TIAM2: variants seen among roughly 807,000 people sequenced by gnomAD.
TIAM2 encodes rho guanine nucleotide exchange factor TIAM2.
TIAM2 carries 80 observed loss-of-function variants against 152.9 expected under a neutral mutation model. The ratio of observed to expected loss-of-function variants is 0.52; its 90% confidence interval spans 0.44 to 0.63. The LOEUF (loss-of-function observed/expected upper bound fraction) is 0.63, where lower values mean the gene tolerates loss of function less well. Ranked by LOEUF, TIAM2 falls within the 30% of genes least tolerant of loss-of-function variation. TIAM2 has a pLI of 0.00. For missense variants in TIAM2, 1,965 were observed against 2,120.1 expected (o/e 0.93, Z 1.44); for synonymous variants, 804 against 838.0 (o/e 0.96, Z 0.70).
intron 9 of TIAM2, among the ~76,000 whole-genome samples, chr6:155,175,603 G>C (rs1243979022): frequency 2.0e-5 from 3 of 152,120 alleles, no homozygotes; most frequent in Non-Finnish European, 4.4e-5. Context: ...TGAATCGTAC[G>C]TAGCAAGGTA....
At chr6:155,013,234 A>G (rs1479946810) in intron 1 of TIAM2, among the ~76,000 whole-genome samples, 2 of 152,100 alleles carry the variant, frequency 1.3e-5, no homozygotes, top group African/African-American at 4.8e-5. Flanking sequence ...GTGCTCCTGC[A>G]GGTGTGTGTG....
intron 4 of TIAM2, among the ~76,000 whole-genome samples, chr6:155,131,359 AAAGT>A (rs1261145600): frequency 1.3e-5 from 2 of 152,128 alleles, no homozygotes; most frequent in South Asian, 2.1e-4. Context: ...AAAAAAAAAA[AAAGT>A]AAGTACAGAG....
In TIAM2 at chr6:155,036,998, C is replaced by T. The variant is rs564063177; in HGVS notation, c.-209+41506C>T. 1.2e-3 allele frequency among the ~76,000 whole-genome samples: 185 copies of T among 152,250 alleles called. 1 individual carries two copies. Among genetic ancestry groups the T allele is most frequent in the African/African-American group, 4.0e-3 (168 of 41,536 alleles). The stretch of plus-strand genomic sequence containing the variant: ...GGAATTTCGCCTTTGTCCTTAGGCA[C>T]GGCTCTCTATAACTTTTTCAGTTTC... On this transcript the variant is annotated intron_variant, in intron 1 of 26. Transcript: ENST00000682666.
intron 1 of TIAM2, among the ~76,000 whole-genome samples, chr6:155,078,683 C>T (rs890353957): frequency 2.6e-5 from 4 of 152,322 alleles, no homozygotes; most frequent in South Asian, 4.1e-4. Context: ...CTCTCATGCT[C>T]GGTGATCCTA....
chr6:155,160,018 T>C (rs534480969), intron 7 of TIAM2, among the ~76,000 whole-genome samples: 18 of 152,264 alleles, frequency 1.2e-4, no homozygotes, highest in African/African-American at 4.3e-4. Context: ...TGTATGTGTT[T>C]GTGTAGGGAG....
rs1263307056 is a variant in TIAM2, at chr6:155,156,843, C to T, written c.2029-7572C>T. Among the ~76,000 whole-genome samples, 1 of 152,158 alleles carries T rather than the reference C, an allele frequency of 6.6e-6. No individual in the cohort carries two copies. Among genetic ancestry groups the T allele is most frequent in the East Asian group, 1.9e-4 (1 of 5,188 alleles). On this transcript the variant is annotated intron_variant, in intron 7 of 26. Transcript: ENST00000682666. This position sits in a 1 kb window ranked among gnomAD's most constrained non-coding sequence, Gnocchi z 4.4. ...GACTCCTGTGCTGTGCACAAATGTG[C>T]CCTGCTCCCCTCCGCCCTCTTCATC... is the stretch of plus-strand genomic sequence containing the variant.
At chr6:155,222,172 T>G (rs1782068473) in intron 15 of TIAM2, among the ~76,000 whole-genome samples, 1 of 151,590 alleles carries the variant, frequency 6.6e-6, no homozygotes, top group Non-Finnish European at 1.5e-5. Flanking sequence ...CAGGCTGGTC[T>G]CAAACTCCTG....
chr6:155,028,956 C>T (rs1048291331), intron 1 of TIAM2, among the ~76,000 whole-genome samples: 1 of 102,288 alleles, frequency 9.8e-6, no homozygotes, highest in East Asian at 2.4e-4. Context: ...GTTATATATA[C>T]ACTGTATGTA....
intron 10 of TIAM2, 145 bp downstream of exon 10, chr6:155,177,122 T>G: frequency 2.8e-6 from 2 of 725,936 alleles, no homozygotes; most frequent in Non-Finnish European, 4.2e-6. Context: ...TTAATATATT[T>G]ATTAGCATAT....
At chr6:155,072,583 T>A (rs1777863169) in intron 1 of TIAM2, among the ~76,000 whole-genome samples, 1 of 152,056 alleles carries the variant, frequency 6.6e-6, no homozygotes, top group South Asian at 2.1e-4. Context: ...TAGGGTAGGG[T>A]TGAAAAAGAA....
At chr6:155,040,516 T>G (rs140883048) in intron 1 of TIAM2, among the ~76,000 whole-genome samples, 2,702 of 152,220 alleles carry the variant, frequency 0.018, 38 homozygotes, top group Middle Eastern at 0.031. Context: ...ACAATTCTTT[T>G]TTTTTGTTGT....
chr6:155,024,730 A>C (rs1259108424), intron 1 of TIAM2, among the ~76,000 whole-genome samples: 2 of 151,882 alleles, frequency 1.3e-5, no homozygotes, highest in African/African-American at 4.8e-5. Flanking sequence ...GAGCCAAGAA[A>C]GGATTTCATT....
At chr6:155,157,526 C>T (rs1278535895) in intron 7 of TIAM2, among the ~76,000 whole-genome samples, 4 of 151,610 alleles carry the variant, frequency 2.6e-5, no homozygotes, top group East Asian at 3.9e-4. Context: ...AGGTTGGTCT[C>T]GAACTCCTGG....
chr6:155,106,776 A>G (rs1024013123), intron 2 of TIAM2, among the ~76,000 whole-genome samples: 1 of 152,196 alleles, frequency 6.6e-6, no homozygotes, highest in Non-Finnish European at 1.5e-5. Flanking sequence ...GGTGGTAATT[A>G]TGGAATGCAG....
rs145602906 is a variant in TIAM2, at chr6:155,130,217, C to T, written c.994C>T (p.Arg332Cys). 291 of 1,614,172 alleles carry T rather than the reference C, an allele frequency of 1.8e-4. No homozygotes were observed. In the African/African-American group the frequency reaches 3.1e-3, roughly 17 times the overall value. ...YMGTHASLSN[R>C]VSFASDIDVP... ...GGGCACGCATGCCAGCCTGAGCAAC[C>T]GTGTCTCTTTTGCTTCCGACATTGA... The change falls in exon 4 of 27, where the codon CGT becomes TGT. Residue 332 changes from arginine (R) to cysteine (C), a missense_variant. Transcript: ENST00000682666.
intron 1 of TIAM2, among the ~76,000 whole-genome samples, chr6:155,029,761 G>GA (rs556726316): frequency 1.9e-5 from 2 of 107,082 alleles, no homozygotes; most frequent in Non-Finnish European, 4.2e-5. Flanking sequence ...TATATATGTA[G>GA]AAAAAAACCT....
intron 2 of TIAM2, among the ~76,000 whole-genome samples, chr6:155,123,393 C>T (rs946077547): frequency 2.0e-5 from 3 of 152,104 alleles, no homozygotes; most frequent in South Asian, 2.1e-4. Flanking sequence ...GTCTGGGGTC[C>T]GCATCAACTG....
rs1289403475 is a variant in TIAM2, at chr6:155,114,032, ATATATTTTTTTTTTTTTCTTT to A, written c.-117-13456_-117-13436del. Among the ~76,000 whole-genome samples, 254 of 43,476 alleles carry A rather than the reference ATATATTTTTTTTTTTTTCTTT, an allele frequency of 5.8e-3. 3 individuals are homozygous for A. Among genetic ancestry groups the A allele is most frequent in the African/African-American group, 0.022 (238 of 10,874 alleles). The allele number at this position is 43,476 out of a possible 152,430, so 28.5% of individuals were successfully genotyped here. ...CTTTACTTTATATATATATATATAT[ATATATTTTTTTTTTTTTCTTT>A]TTTTTTTTTTTTTTTTTTGAAATGG... On this transcript the variant is annotated intron_variant, in intron 2 of 26. Coordinates refer to ENST00000682666, the MANE Select transcript of TIAM2 (RefSeq NM_012454.4).
intron 15 of TIAM2, among the ~76,000 whole-genome samples, chr6:155,211,554 C>T (rs906719093): frequency 1.1e-4 from 16 of 152,132 alleles, no homozygotes; most frequent in Admixed American, 2.0e-4. Flanking sequence ...CATCAAAGAG[C>T]AGTGCACACT....
Sources: gnomAD v4.1 joint callset for allele counts (sites outside exome capture counted in the v4.1 genomes callset) on GRCh38, gnomAD v4.1.1 for gene constraint, Gnocchi (gnomAD v3.1) non-coding constraint, MANE v1.5 for transcripts, NCBI Gene and HGNC (gene_info 2026-07-23, HGNC 2026-07-21) for gene names.